Variants in CCDC60 observed in about 807,000 individuals in gnomAD.
CCDC60 encodes coiled-coil domain-containing protein 60.
A neutral mutation model predicts 63.5 loss-of-function variants in CCDC60; 54 were observed. That is an observed-to-expected ratio of 0.85 (90% CI 0.68 to 1.07). The LOEUF (loss-of-function observed/expected upper bound fraction) is 1.07. CCDC60 is among the 50% of genes least tolerant of loss of function. CCDC60 has a pLI of 0.00. For missense variants in CCDC60, 651 were observed against 684.3 expected (o/e 0.95, Z 0.54); for synonymous variants, 206 against 238.8 (o/e 0.86, Z 1.27).
chr12:119,475,662 G>T (rs368776218), intron 3 of CCDC60, among the ~76,000 whole-genome samples: 1 of 152,142 alleles, frequency 6.6e-6, no homozygotes, highest in Non-Finnish European at 1.5e-5. Flanking sequence ...CTTGGAACCC[G>T]TTAGGACTTC....
Position 119,335,238 on chromosome 12 carries a change from C to A in CCDC60, c.62C>A (p.Pro21His), listed in dbSNP as rs777619167. ...QSSPNSGAVR[P>H]FYASENLRQV... ...TCCCCCAACTCGGGGGCTGTCCGGC[C>A]CTTTTATGCCTCGGAGAACCTAAGG... is the stretch of plus-strand genomic sequence containing the variant. The change falls in exon 1 of 14, where the codon CCC (proline) becomes CAC (histidine). Residue 21 changes from proline to histidine, a missense_variant. Transcript: ENST00000327554. The A allele has an allele frequency of 6.2e-7, 1 of 1,604,320 alleles. No homozygotes were observed. Among genetic ancestry groups the A allele is most frequent in the Non-Finnish European group, 8.5e-7 (1 of 1,175,946 alleles).
chr12:119,437,146 G>C (rs895293779), intron 2 of CCDC60, among the ~76,000 whole-genome samples: 1 of 152,172 alleles, frequency 6.6e-6, no homozygotes, highest in African/African-American at 2.4e-5. Flanking sequence ...GTTTAATAGT[G>C]TTAATCATGG....
chr12:119,368,609 G>T (rs2136173313), intron 1 of CCDC60, among the ~76,000 whole-genome samples: 1 of 152,192 alleles, frequency 6.6e-6, no homozygotes, highest in Non-Finnish European at 1.5e-5. Flanking sequence ...TCTGAAATTG[G>T]GTTTGTCATC....
At chr12:119,386,564 G>A (rs111427650) in intron 1 of CCDC60, among the ~76,000 whole-genome samples, 204 of 151,726 alleles carry the variant, frequency 1.3e-3, no homozygotes, top group African/African-American at 4.3e-3. Context: ...TGGTGCGGTC[G>A]CACCAAAGGT....
chr12:119,531,341 G>T (rs1167412333), intron 13 of CCDC60, among the ~76,000 whole-genome samples: 1 of 152,182 alleles, frequency 6.6e-6, no homozygotes, highest in East Asian at 1.9e-4. Context: ...GCTACTAAAA[G>T]TGTACTCCAT....
At chr12:119,494,230 G>C (rs867348197) in intron 5 of CCDC60, among the ~76,000 whole-genome samples, 1 of 152,172 alleles carries the variant, frequency 6.6e-6, no homozygotes, top group South Asian at 2.1e-4. Flanking sequence ...AATTTGACAA[G>C]CTCTAATGCT....
At chr12:119,417,952 AG>A (rs1275728750) in intron 1 of CCDC60, among the ~76,000 whole-genome samples, 1 of 152,238 alleles carries the variant, frequency 6.6e-6, no homozygotes, top group Non-Finnish European at 1.5e-5. Flanking sequence ...AATTAACTGC[AG>A]CAAAGGAAAA....
intron 5 of CCDC60, among the ~76,000 whole-genome samples, chr12:119,489,920 C>A (rs1478329072): frequency 2.6e-5 from 4 of 152,064 alleles, no homozygotes. Context: ...GCCTCAGCCT[C>A]CCGAGTAGCT....
At chr12:119,507,139 G>T (rs149476215) in intron 7 of CCDC60, among the ~76,000 whole-genome samples, 7 of 152,020 alleles carry the variant, frequency 4.6e-5, no homozygotes, top group Non-Finnish European at 8.8e-5. Context: ...ATTGTGTGTC[G>T]CATAGATTCA....
intron 2 of CCDC60, among the ~76,000 whole-genome samples, chr12:119,435,089 G>C (rs1841699601): frequency 6.6e-6 from 1 of 152,154 alleles, no homozygotes; most frequent in Admixed American, 6.5e-5. Flanking sequence ...CTGGCTAATG[G>C]ATTGGATGTG....
chr12:119,396,404 G>A (rs1956255118), intron 1 of CCDC60, among the ~76,000 whole-genome samples: 3 of 152,162 alleles, frequency 2.0e-5, no homozygotes, highest in African/African-American at 7.2e-5. Flanking sequence ...ATTGTATAGA[G>A]GTGAGAGTGG....
At chr12:119,357,732 G>A (rs1045302373) in intron 1 of CCDC60, among the ~76,000 whole-genome samples, 1 of 152,154 alleles carries the variant, frequency 6.6e-6, no homozygotes, top group Non-Finnish European at 1.5e-5. Context: ...GGGATTACAG[G>A]GGTGAGCCAC....
At chr12:119,474,284 A>G (rs1331396440) in intron 3 of CCDC60, among the ~76,000 whole-genome samples, 9 of 152,262 alleles carry the variant, frequency 5.9e-5, no homozygotes, top group African/African-American at 2.2e-4. Context: ...GGCTGCCTTC[A>G]GGAATCCAAA....
rs2136218325 is a variant in CCDC60, at chr12:119,420,793, C to T, written c.91-7890C>T. ...TCCATGATGTGCTTATTTCACATTA[C>T]ATGCCTGTATCAAAACAACTCATGT... is the stretch of plus-strand genomic sequence containing the variant. On this transcript the variant is annotated intron_variant, in intron 1 of 13. Transcript: ENST00000327554. This position sits in a 1 kb window ranked among gnomAD's most constrained non-coding sequence, Gnocchi z 4.1. Among the ~76,000 whole-genome samples the T allele has an allele frequency of 6.6e-6, 1 of 152,274 alleles. No individual in the cohort carries two copies. The highest frequency in any genetic ancestry group is 1.9e-4 in the East Asian group (1 of 5,184).
intron 2 of CCDC60, among the ~76,000 whole-genome samples, chr12:119,442,385 G>A (rs907328374): frequency 3.3e-5 from 5 of 152,250 alleles, no homozygotes; most frequent in African/African-American, 9.6e-5. Flanking sequence ...GCAGAGAGGG[G>A]GTGGATCGCC....
At chr12:119,474,134 C>T (rs1271552149) in intron 3 of CCDC60, among the ~76,000 whole-genome samples, 1 of 152,184 alleles carries the variant, frequency 6.6e-6, no homozygotes, top group Non-Finnish European at 1.5e-5. Flanking sequence ...ATCAAAACCA[C>T]AACGCAATAC....
At chr12:119,364,401 C>A (rs1378392098) in intron 1 of CCDC60, among the ~76,000 whole-genome samples, 3 of 152,178 alleles carry the variant, frequency 2.0e-5, no homozygotes, top group African/African-American at 7.2e-5. Flanking sequence ...AAAACCCAGG[C>A]AACTCCTCAT....
At position 119,428,761 on chromosome 12, in the gene CCDC60, C is replaced by T. The variant is rs1457636965; in HGVS notation, c.169C>T (p.Arg57Cys). The T allele has an allele frequency of 1.8e-5, 28 of 1,584,742 alleles. No homozygotes were observed. Among genetic ancestry groups the T allele is most frequent in the African/African-American group, 2.7e-5 (2 of 74,506 alleles). The change falls in exon 2 of 14, where the codon CGC (arginine) becomes TGC (cysteine). Residue 57 changes from arginine to cysteine, a missense_variant and splice_region_variant. Coordinates refer to ENST00000327554, the MANE Select transcript of CCDC60 (RefSeq NM_178499.5). The stretch of plus-strand genomic sequence containing the variant: ...CCTCAAAAAGGACCTTATACGAAGC[C>T]GGTGAGTGAGCCCAGCAGGGAATGA... ...INLKKDLIRS[R>C]FLIQSVKIGR...
rs1211863415 is a variant in CCDC60 at position 119,360,919 on chromosome 12, C to T, written c.90+25653C>T. ...GAGGCCGAGGCTGGCGGATCACTCG[C>T]GGTTAGGAGCTGGAGACCAGCCCGG... On this transcript the variant is annotated intron_variant, in intron 1 of 13. Coordinates refer to ENST00000327554, the MANE Select transcript of CCDC60 (RefSeq NM_178499.5). 2.6e-5 allele frequency among the ~76,000 whole-genome samples: 4 copies of T among 152,256 alleles called. No homozygotes were observed. In the South Asian group the frequency reaches 6.2e-4, roughly 24 times the overall value.
Sources: gnomAD v4.1 joint callset for allele counts (sites outside exome capture counted in the v4.1 genomes callset) on GRCh38, gnomAD v4.1.1 for gene constraint, Gnocchi (gnomAD v3.1) non-coding constraint, MANE v1.5 for transcripts, NCBI Gene and HGNC (gene_info 2026-07-23, HGNC 2026-07-21) for gene names.